WNT2B: variants seen among roughly 807,000 people sequenced by gnomAD.
WNT2B encodes Wnt family member 2B, also known as protein Wnt-2b.
Under a neutral mutation model 40.5 loss-of-function variants are expected in WNT2B, and 19 were observed. That is an observed-to-expected ratio of 0.47 (90% CI 0.33 to 0.69). WNT2B has a LOEUF of 0.69. WNT2B is among the 30% of genes least tolerant of loss of function. The pLI is 0.02. For missense variants in WNT2B, 467 were observed against 556.4 expected (o/e 0.84, Z 1.62); for synonymous variants, 220 against 211.9 (o/e 1.04, Z -0.33).
intron 1 of WNT2B, among the ~76,000 whole-genome samples, chr1:112,502,829 G>A (rs1316075061): frequency 6.6e-6 from 1 of 152,188 alleles, no homozygotes; most frequent in South Asian, 2.1e-4. Flanking sequence ...AGAGGGGATT[G>A]CGGACAGGGA....
chr1:112,510,593 A>G (rs1652315500), intron 1 of WNT2B, among the ~76,000 whole-genome samples: 1 of 151,964 alleles, frequency 6.6e-6, no homozygotes, highest in Admixed American at 6.6e-5. Context: ...TAGCTGGCCG[A>G]GGGGCCCGCC....
intron 1 of WNT2B, among the ~76,000 whole-genome samples, chr1:112,471,150 G>C (rs1650869033): frequency 6.6e-6 from 1 of 152,204 alleles, no homozygotes; most frequent in Non-Finnish European, 1.5e-5. Context: ...AGTGGTGGCT[G>C]TGCTTTCACA....
chr1:112,524,736 G>A lies in WNT2B; in HGVS notation c.*4227G>A, dbSNP rs1484015122. On this transcript the variant is annotated 3_prime_UTR_variant, in exon 5 of 5. Transcript: ENST00000369684. ...CACTCTTTGCCCTCCCTGTCAGCCT[G>A]AGCACAACCATGAGGTTACACACAC... 6.6e-6 allele frequency: 1 copy of A among 152,022 alleles called. No homozygotes were observed. Among genetic ancestry groups the A allele is most frequent in the Non-Finnish European group, 1.5e-5 (1 of 68,048 alleles). The allele number at this position is 152,022 out of a possible 1,614,324, so 9.4% of individuals were successfully genotyped here. A position where few individuals can be genotyped will look rare whatever the true frequency, so the allele number is the denominator to read the frequency against.
chr1:112,513,433 T>A (rs1056196147), intron 1 of WNT2B, among the ~76,000 whole-genome samples: 1 of 152,080 alleles, frequency 6.6e-6, no homozygotes, highest in Admixed American at 6.6e-5. Flanking sequence ...ATGGGCCCCA[T>A]CAGCCCTGCT....
intron 1 of WNT2B, among the ~76,000 whole-genome samples, chr1:112,484,061 G>A (rs1052913329): frequency 2.7e-5 from 4 of 148,876 alleles, no homozygotes; most frequent in Non-Finnish European, 5.9e-5. Context: ...TGGAGTTCAA[G>A]ACGAACCTGA....
At chr1:112,482,219 T>C (rs1651249279) in intron 1 of WNT2B, among the ~76,000 whole-genome samples, 1 of 151,930 alleles carries the variant, frequency 6.6e-6, no homozygotes, top group Admixed American at 6.6e-5. Context: ...TTTGGGAGGC[T>C]GATGTGGGAG....
At chr1:112,505,529 T>C (rs1652081396), upstream of WNT2B, among the ~76,000 whole-genome samples, 1 of 152,124 alleles carries the variant, frequency 6.6e-6, no homozygotes, top group South Asian at 2.1e-4. Flanking sequence ...GAGTGTGGAA[T>C]AAAATGAAGA....
chr1:112,482,254 G>A (rs2101056645), intron 1 of WNT2B, among the ~76,000 whole-genome samples: 1 of 152,198 alleles, frequency 6.6e-6, no homozygotes, highest in African/African-American at 2.4e-5. Context: ...GAGAGGTCAA[G>A]GCTGCAGTGA....
At chr1:112,514,402 C>T (rs1052340717) in intron 1 of WNT2B, among the ~76,000 whole-genome samples, 47 of 152,290 alleles carry the variant, frequency 3.1e-4, no homozygotes, top group African/African-American at 1.1e-3. Flanking sequence ...CCCTCCCTGT[C>T]ACCACCCCCC....
At chr1:112,480,641 C>T (rs1314262297) in intron 1 of WNT2B, among the ~76,000 whole-genome samples, 1 of 152,034 alleles carries the variant, frequency 6.6e-6, no homozygotes, top group Non-Finnish European at 1.5e-5. Flanking sequence ...TAGGTGAATT[C>T]TACCAAGCAT....
At position 112,529,829 on chromosome 1, in the gene WNT2B, G is replaced by C. The variant is rs1412975909; in HGVS notation, c.*9320G>C. The C allele has an allele frequency of 6.6e-6, 1 of 151,150 alleles. No individual in the cohort carries two copies. Among genetic ancestry groups the C allele is most frequent in the East Asian group, 1.9e-4 (1 of 5,162 alleles). The allele number at this position is 151,150 out of a possible 1,614,324, so 9.4% of individuals were successfully genotyped here. Reference sequence around the variant, plus strand: ...CTATGGAGGTGGTACCTTCACAGGAGCTCAGTGGAACTGGGGTTTACTTAC... The same window carrying C: ...CTATGGAGGTGGTACCTTCACAGGACCTCAGTGGAACTGGGGTTTACTTAC... On this transcript the variant is annotated 3_prime_UTR_variant, in exon 5 of 5. Coordinates refer to ENST00000369684, the MANE Select transcript of WNT2B (RefSeq NM_024494.3).
chr1:112,515,206 C>A lies in WNT2B; in HGVS notation c.403+112C>A. The A allele has an allele frequency of 7.8e-7, 1 of 1,277,072 alleles. No individual in the cohort carries two copies. Among genetic ancestry groups the A allele is most frequent in the Non-Finnish European group, 1.1e-6 (1 of 917,948 alleles). The allele number at this position is 1,277,072 out of a possible 1,614,324, so 79.1% of individuals were successfully genotyped here. On this transcript the variant is annotated intron_variant, in intron 2 of 4. Transcript: ENST00000369684. The surrounding 1 kb of genome is among the most constrained non-coding windows in gnomAD (Gnocchi z 4.4). ...CCTCTCCCACACACTGTTTCATCAT[C>A]AGAGAAAGAACTGTGGGCAGAGCCC...
In WNT2B at chr1:112,509,276, G is replaced by A. The variant is rs1307381816; in HGVS notation, c.14G>A (p.Gly5Asp). 1 of 1,535,112 alleles carries A rather than the reference G, an allele frequency of 6.5e-7. No homozygotes were observed. Among genetic ancestry groups the A allele is most frequent in the South Asian group, 1.2e-5 (1 of 84,064 alleles). The change falls in exon 1 of 5, where the codon GGT becomes GAT. Residue 5 changes from glycine to aspartate, a missense_variant. Around this residue, in one of 2 missense-constraint regions of WNT2B, gnomAD observed 137 missense variants for 117.7 expected, o/e 1.16. Transcript: ENST00000369684. The surrounding 1 kb of genome is among the most constrained non-coding windows in gnomAD (Gnocchi z 4.2). Reference protein sequence around the residue: MLRPGGAEEAAQLPL... With the variant: MLRPDGAEEAAQLPL... ...CTTCGGGGAGCTATGCTGAGACCGG[G>A]TGGTGCGGAGGAAGCTGCGCAGCTC...
chr1:112,471,538 C>T (rs1016443074), intron 1 of WNT2B, among the ~76,000 whole-genome samples: 1 of 152,146 alleles, frequency 6.6e-6, no homozygotes, highest in Non-Finnish European at 1.5e-5. Context: ...TCTAGTCAGC[C>T]ATTTTGAACC....
chr1:112,467,529 C>A, exon 1 of WNT2B: 1 of 780,852 alleles, frequency 1.3e-6, no homozygotes, highest in Non-Finnish European at 2.4e-6. Flanking sequence ...CTATATCACA[C>A]TTTCCCACAT....
rs1401980292 is a variant in WNT2B, at chr1:112,515,133, T to C, written c.403+39T>C. 2 of 1,597,966 alleles carry C rather than the reference T, an allele frequency of 1.3e-6. No individual in the cohort carries two copies. The highest frequency in any genetic ancestry group is 1.3e-5 in the African/African-American group (1 of 74,618). Reference sequence around the variant, plus strand: ...CCATCCTGTGTCAGCTCCTTCCCTTTCTGTGCTGGGGGTGGTGAGTGGGAA... The same window carrying C: ...CCATCCTGTGTCAGCTCCTTCCCTTCCTGTGCTGGGGGTGGTGAGTGGGAA... On this transcript the variant is annotated intron_variant, in intron 2 of 4. Transcript: ENST00000369684. The surrounding 1 kb of genome is among the most constrained non-coding windows in gnomAD (Gnocchi z 4.4).
chr1:112,474,403 C>T (rs1471581136), intron 1 of WNT2B, among the ~76,000 whole-genome samples: 3 of 152,184 alleles, frequency 2.0e-5, no homozygotes, highest in Admixed American at 6.5e-5. Flanking sequence ...CTGCCTCCGC[C>T]TCCCAAAGGG....
At chr1:112,490,976 T>C (rs754275874) in intron 1 of WNT2B, 8 of 1,597,774 alleles carry the variant, frequency 5.0e-6, no homozygotes, top group South Asian at 2.2e-5. Flanking sequence ...GCATTTATTA[T>C]GTTAAATTGC....
chr1:112,471,693 G>A (rs1052468120), intron 1 of WNT2B, among the ~76,000 whole-genome samples: 2 of 152,160 alleles, frequency 1.3e-5, no homozygotes, highest in Non-Finnish European at 2.9e-5. Context: ...AAGCAGCAGT[G>A]CCAAAGGTTG....
Sources: gnomAD v4.1 joint callset for allele counts (sites outside exome capture counted in the v4.1 genomes callset) on GRCh38, gnomAD v4.1.1 for gene constraint, gnomAD v4.1.1 regional missense constraint, Gnocchi (gnomAD v3.1) non-coding constraint, MANE v1.5 for transcripts, NCBI Gene and HGNC (gene_info 2026-07-23, HGNC 2026-07-21) for gene names.